The following SLC60A2 variants were observed in gnomAD, a reference collection of about 807,000 sequenced individuals.
SLC60A2 encodes major facilitator superfamily domain containing 4B.
the SLC60A2 span, among the ~76,000 whole-genome samples, chr6:111,264,427 C>T: frequency 1.3e-5 from 2 of 151,938 alleles, no homozygotes; most frequent in African/African-American, 2.4e-5. Context: ...CTTTCTTTTT[C>T]TTTCTGTCCT....
chr6:111,278,950 G>C, the SLC60A2 span, among the ~76,000 whole-genome samples: 1 of 152,210 alleles, frequency 6.6e-6, no homozygotes, highest in South Asian at 2.1e-4. Flanking sequence ...ATTAACCTTT[G>C]CTCCAGTGGT....
the SLC60A2 span, among the ~76,000 whole-genome samples, chr6:111,271,861 G>A: frequency 6.8e-6 from 1 of 147,430 alleles, no homozygotes; most frequent in East Asian, 2.0e-4. Context: ...CCCACTTCTG[G>A]GGAGGCTGAG....
the SLC60A2 span, chr6:111,262,438 T>C: frequency 6.2e-7 from 1 of 1,601,474 alleles, no homozygotes; most frequent in East Asian, 2.2e-5. Context: ...AAGTAAATGC[T>C]AATTTTAGCT....
the SLC60A2 span, among the ~76,000 whole-genome samples, chr6:111,273,294 T>G: frequency 6.6e-6 from 1 of 151,972 alleles, no homozygotes; most frequent in South Asian, 2.1e-4. Flanking sequence ...GGATTACAGG[T>G]GTCACTATGC....
the SLC60A2 span, chr6:111,266,806 A>C: frequency 6.2e-7 from 1 of 1,613,996 alleles, no homozygotes; most frequent in Admixed American, 1.7e-5. Flanking sequence ...CTTGATCGCC[A>C]GCGAAAAGAA....
the SLC60A2 span, chr6:111,262,145 G>T: frequency 6.3e-5 from 50 of 789,048 alleles, no homozygotes; most frequent in East Asian, 1.3e-3. Flanking sequence ...ACATTACATT[G>T]TAAATCCCAG....
the SLC60A2 span, chr6:111,268,637 C>T: frequency 6.6e-6 from 1 of 152,184 alleles, no homozygotes; most frequent in Non-Finnish European, 1.5e-5. Flanking sequence ...TTGCCTACCT[C>T]AGTAACAGAG....
the SLC60A2 span, among the ~76,000 whole-genome samples, chr6:111,260,154 G>T: frequency 2.6e-5 from 4 of 152,104 alleles, no homozygotes. Context: ...CAGGTGATCC[G>T]CCCACCTCGG....
the SLC60A2 span, chr6:111,266,356 G>C: frequency 6.2e-7 from 1 of 1,614,132 alleles, no homozygotes; most frequent in Non-Finnish European, 8.5e-7. Context: ...ATGAAAGAAA[G>C]TGAAGCTGCT....
At chr6:111,277,255 A>T in the SLC60A2 span, among the ~76,000 whole-genome samples, 1 of 152,268 alleles carries the variant, frequency 6.6e-6, no homozygotes, top group Non-Finnish European at 1.5e-5. Context: ...GGCCTGGTTC[A>T]TCTGCATCAG....
the SLC60A2 span, among the ~76,000 whole-genome samples, chr6:111,277,033 C>T: frequency 6.6e-6 from 1 of 152,194 alleles, no homozygotes; most frequent in African/African-American, 2.4e-5. Flanking sequence ...TGCTGGTTAG[C>T]CTATGAAGGG....
At chr6:111,264,481 A>G in the SLC60A2 span, among the ~76,000 whole-genome samples, 2 of 152,032 alleles carry the variant, frequency 1.3e-5, no homozygotes, top group African/African-American at 4.8e-5. Context: ...CCGTATCATC[A>G]TCATGTCTTT....
chr6:111,266,671 C>T, the SLC60A2 span: 1 of 1,614,164 alleles, frequency 6.2e-7, no homozygotes. Context: ...ATGGCTATTC[C>T]TGCAGTCATT....
chr6:111,264,191 A>G, the SLC60A2 span, among the ~76,000 whole-genome samples: 1 of 152,312 alleles, frequency 6.6e-6, no homozygotes, highest in Non-Finnish European at 1.5e-5. Flanking sequence ...ATTGATTTAC[A>G]TTGTCCAAAC....
chr6:111,266,961 A>G, the SLC60A2 span: 2 of 1,614,232 alleles, frequency 1.2e-6, no homozygotes, highest in South Asian at 1.1e-5. Context: ...GAGGCATTCT[A>G]TAATAGAGAC....
the SLC60A2 span, among the ~76,000 whole-genome samples, chr6:111,260,079 T>G: frequency 6.6e-6 from 1 of 151,956 alleles, no homozygotes; most frequent in Non-Finnish European, 1.5e-5. Context: ...CCCGGCTAAT[T>G]TTTGTATTTT....
chr6:111,271,653 T>G, the SLC60A2 span, among the ~76,000 whole-genome samples: 1 of 151,060 alleles, frequency 6.6e-6, no homozygotes, highest in Non-Finnish European at 1.5e-5. Flanking sequence ...GTCCAGAACT[T>G]TTGGCTGGGC....
the SLC60A2 span, chr6:111,266,614 A>G: frequency 6.2e-7 from 1 of 1,614,220 alleles, no homozygotes; most frequent in Non-Finnish European, 8.5e-7. Flanking sequence ...ACGACCATCC[A>G]TGGGAAATCT....
the SLC60A2 span, chr6:111,266,711 G>A: frequency 1.9e-6 from 3 of 1,614,160 alleles, no homozygotes; most frequent in Middle Eastern, 3.3e-4. Context: ...ACCCTGATTT[G>A]CCTGTAGTTC....
Sources: gnomAD v4.1 joint callset for allele counts (sites outside exome capture counted in the v4.1 genomes callset) on GRCh38, gnomAD v4.1.1 for gene constraint, MANE v1.5 for transcripts, NCBI Gene and HGNC (gene_info 2026-07-23, HGNC 2026-07-21) for gene names.